NBEA: variants seen among roughly 807,000 people sequenced by gnomAD.
NBEA encodes neurobeachin.
A neutral mutation model predicts 343.4 loss-of-function variants in NBEA; 44 were observed. The observed-to-expected ratio is 0.13, with a 90% CI of 0.10 to 0.16. NBEA has a LOEUF of 0.16. Among genes scored for constraint, NBEA ranks in the 10% least tolerant of loss-of-function variants. NBEA has a pLI of 1.00. For missense variants in NBEA, 2,555 were observed against 3,631.3 expected, an observed-to-expected ratio of 0.70 and a Z score of 7.62; for synonymous variants, 1,175 against 1,238.7, an observed-to-expected ratio of 0.95 and a Z score of 1.08.
intron 48 of NBEA, among the ~76,000 whole-genome samples, chr13:35,615,910 C>G (rs2082719600): frequency 6.6e-6 from 1 of 152,108 alleles, no homozygotes; most frequent in Admixed American, 6.5e-5. Context: ...TACCCTCCAC[C>G]CTTACCCGTA....
At chr13:35,643,888 C>G (rs2084090359) in intron 49 of NBEA, among the ~76,000 whole-genome samples, 1 of 152,136 alleles carries the variant, frequency 6.6e-6, no homozygotes, top group Non-Finnish European at 1.5e-5. Context: ...GCACACTTGA[C>G]AAGAAAGTCA....
intron 17 of NBEA, among the ~76,000 whole-genome samples, chr13:35,137,841 A>G (rs976315147): frequency 2.6e-5 from 4 of 152,274 alleles, no homozygotes; most frequent in South Asian, 4.1e-4. Context: ...TTAAAATGCT[A>G]TAGTAGAAAG....
intron 1 of NBEA, among the ~76,000 whole-genome samples, chr13:34,979,795 T>C (rs1054176145): frequency 2.0e-4 from 30 of 152,340 alleles, no homozygotes; most frequent in African/African-American, 7.0e-4. Context: ...TTGCTTTCCC[T>C]GTAGATCATA....
chr13:35,652,688 C>CTTTTTTTTTTT (rs766315741), intron 53 of NBEA, among the ~76,000 whole-genome samples: 1 of 67,574 alleles, frequency 1.5e-5, no homozygotes. Flanking sequence ...TTCTGGCAGT[C>CTTTTTTTTTTT]TTTTTTTTTT....
intron 33 of NBEA, among the ~76,000 whole-genome samples, chr13:35,212,708 G>A (rs538215758): frequency 6.6e-6 from 1 of 152,148 alleles, no homozygotes; most frequent in African/African-American, 2.4e-5. Context: ...TTTAGTCTCT[G>A]TCATTTTAGC....
intron 38 of NBEA, among the ~76,000 whole-genome samples, chr13:35,404,295 C>T (rs907864358): frequency 5.3e-5 from 8 of 151,936 alleles, no homozygotes; most frequent in African/African-American, 1.9e-4. Flanking sequence ...TATAAAGACA[C>T]ATGCACACGT....
intron 30 of NBEA, chr13:35,185,579 T>A (rs1201803745): frequency 6.6e-6 from 1 of 151,918 alleles, no homozygotes; most frequent in African/African-American, 2.4e-5. Context: ...TCTGGTGGAG[T>A]GTGTTCCAAA....
intron 20 of NBEA, 32 bp from the exon 21 acceptor site, chr13:35,157,046 T>A (rs985786310): frequency 6.8e-7 from 1 of 1,472,654 alleles, no homozygotes; most frequent in African/African-American, 1.4e-5. Flanking sequence ...AATTTGGATA[T>A]TTTTAATGAG....
At chr13:35,061,514 A>G (rs889488531) in intron 8 of NBEA, among the ~76,000 whole-genome samples, 2 of 151,682 alleles carry the variant, frequency 1.3e-5, no homozygotes, top group Admixed American at 6.6e-5. Flanking sequence ...AAGTTTTTAT[A>G]TTTTATAGTT....
intron 38 of NBEA, among the ~76,000 whole-genome samples, chr13:35,374,625 T>G (rs1483602083): frequency 6.6e-6 from 1 of 152,146 alleles, no homozygotes; most frequent in Non-Finnish European, 1.5e-5. Flanking sequence ...TTTATGAAAT[T>G]TGTATTAAAT....
In NBEA at chr13:35,161,860, A is replaced by G. The variant is rs2069588603; in HGVS notation, c.3972A>G (p.Pro1324=). 1 of 1,607,538 alleles carries G rather than the reference A, an allele frequency of 6.2e-7. No homozygotes were observed. ...EEQRRQFSPG[P]RTTMFRIPEF... ...AGCGACGCCAGTTTAGCCCAGGTCC[A>G]CGGACTACAATGTTTCGTATTCCTG... Residue 1324 remains proline, a synonymous_variant, in exon 23 of 59, where the codon CCA becomes CCG. Transcript: ENST00000379939.
chr13:34,948,922 T>G (rs1316773598), intron 1 of NBEA, among the ~76,000 whole-genome samples: 1 of 152,198 alleles, frequency 6.6e-6, no homozygotes, highest in East Asian at 1.9e-4. Context: ...AGAGGCTCTT[T>G]CTGCCTGTAG....
chr13:35,277,819 G>T (rs1321535073), intron 34 of NBEA, among the ~76,000 whole-genome samples: 1 of 151,516 alleles, frequency 6.6e-6, no homozygotes, highest in African/African-American at 2.4e-5. Context: ...GGTTACAGTG[G>T]CTCACACCTG....
chr13:35,241,985 A>T (rs1017291160), intron 34 of NBEA, among the ~76,000 whole-genome samples: 1 of 151,936 alleles, frequency 6.6e-6, no homozygotes, highest in Non-Finnish European at 1.5e-5. Context: ...AAAAGCCCGA[A>T]TTTTAACAAA....
rs112544903 is a variant in NBEA, at chr13:35,035,743, C to T, written c.295-5190C>T. Among the ~76,000 whole-genome samples the T allele has an allele frequency of 1.4e-3, 218 of 152,026 alleles. 4 individuals are homozygous for T. Among genetic ancestry groups the T allele is most frequent in the African/African-American group, 4.9e-3 (202 of 41,524 alleles). On this transcript the variant is annotated intron_variant, in intron 1 of 58. Transcript: ENST00000379939. The stretch of plus-strand genomic sequence containing the variant: ...TTGTTATATCCTCTCACTTAATTGA[C>T]ACCCTTATCTTTATATAGTGACCTT...
At chr13:35,610,877 T>G (rs1006594571) in intron 48 of NBEA, among the ~76,000 whole-genome samples, 1 of 152,022 alleles carries the variant, frequency 6.6e-6, no homozygotes, top group Admixed American at 6.5e-5. Flanking sequence ...AATTAATTTT[T>G]TTAAAGGAGG....
chr13:35,656,513 T>C (rs2084820688), intron 55 of NBEA, among the ~76,000 whole-genome samples: 1 of 152,216 alleles, frequency 6.6e-6, no homozygotes. Flanking sequence ...AAGTTAGTTA[T>C]TAGTTGTTGG....
intron 1 of NBEA, among the ~76,000 whole-genome samples, chr13:34,992,410 AT>A (rs1166171177): frequency 1.3e-5 from 2 of 151,270 alleles, no homozygotes; most frequent in African/African-American, 4.9e-5. Flanking sequence ...ACATGCCACC[AT>A]GCCTGGCTAC....
intron 18 of NBEA, among the ~76,000 whole-genome samples, chr13:35,147,777 C>G (rs2068525568): frequency 6.6e-6 from 1 of 152,100 alleles, no homozygotes; most frequent in Non-Finnish European, 1.5e-5. Context: ...CCATTTGGTT[C>G]CCTTAAAGGA....
Sources: allele counts gnomAD v4.1 joint callset (sites outside exome capture counted in the v4.1 genomes callset), GRCh38; gene constraint gnomAD v4.1.1; transcripts MANE v1.5; gene names NCBI Gene and HGNC (gene_info 2026-07-23, HGNC 2026-07-21).